Variants in R3HCC1L observed in about 807,000 individuals in gnomAD.
R3HCC1L encodes the protein R3H domain and coiled-coil containing 1 like.
Under a neutral mutation model 59.9 loss-of-function variants are expected in R3HCC1L, and 51 were observed. The observed-to-expected ratio is 0.85, with a 90% CI of 0.68 to 1.07. The LOEUF is 1.07. Among genes scored for constraint, R3HCC1L ranks in the 50% least tolerant of loss-of-function variants. The pLI, the probability that R3HCC1L is intolerant of heterozygous loss-of-function variation, is 0.00. For synonymous variants in R3HCC1L, 322 were observed against 315.2 expected, an observed-to-expected ratio of 1.02 and a Z score of -0.23; for missense variants, 965 against 933.0, an observed-to-expected ratio of 1.03 and a Z score of -0.45.
At chr10:98,218,550 C>T (rs1474805780) in intron 5 of R3HCC1L, among the ~76,000 whole-genome samples, 1 of 152,068 alleles carries the variant, frequency 6.6e-6, no homozygotes, top group Non-Finnish European at 1.5e-5. Context: ...CCAATGTTAT[C>T]TTTATGAAGT....
intron 9 of R3HCC1L, 114 bp from the exon 10 acceptor site, chr10:98,243,977 A>C (rs1263928898): frequency 1.2e-6 from 1 of 818,220 alleles, no homozygotes; most frequent in Non-Finnish European, 2.1e-6. Flanking sequence ...CAGGTAAGAG[A>C]GACCAGGATA....
intron 1 of R3HCC1L, among the ~76,000 whole-genome samples, chr10:98,151,024 C>G (rs555389961): frequency 6.6e-6 from 1 of 152,298 alleles, no homozygotes; most frequent in African/African-American, 2.4e-5. Context: ...GTGAAAGGGG[C>G]ATCATGGTTA....
intron 4 of R3HCC1L, among the ~76,000 whole-genome samples, chr10:98,166,833 T>C (rs2134266639): frequency 6.6e-6 from 1 of 152,188 alleles, no homozygotes. Flanking sequence ...GCCTGGCTAA[T>C]TTTTTGTATT....
At chr10:98,220,210 A>G (rs1854710828) in intron 5 of R3HCC1L, among the ~76,000 whole-genome samples, 1 of 151,764 alleles carries the variant, frequency 6.6e-6, no homozygotes, top group Admixed American at 6.6e-5. Flanking sequence ...GGATTGATTT[A>G]GTTCTTCTTT....
chr10:98,196,457 A>G (rs927078278), intron 4 of R3HCC1L, among the ~76,000 whole-genome samples: 61 of 152,054 alleles, frequency 4.0e-4, no homozygotes, highest in African/African-American at 1.4e-3. Flanking sequence ...TTATTTATTT[A>G]TTTGAGATAG....
chr10:98,235,886 C>A, intron 8 of R3HCC1L, 138 bp from the exon 9 acceptor site: 1 of 983,954 alleles, frequency 1.0e-6, no homozygotes. Flanking sequence ...TGATCATCAT[C>A]TATCAGACTT....
chr10:98,206,194 AGT>A (rs1433224219), intron 4 of R3HCC1L, among the ~76,000 whole-genome samples: 7 of 152,060 alleles, frequency 4.6e-5, no homozygotes, highest in African/African-American at 1.7e-4. Context: ...GTAATCTAAG[AGT>A]GTGTTACCTT....
At chr10:98,144,440 T>G (rs1326473450) in intron 1 of R3HCC1L, among the ~76,000 whole-genome samples, 4 of 152,062 alleles carry the variant, frequency 2.6e-5, no homozygotes, top group Non-Finnish European at 4.4e-5. Flanking sequence ...GGTCTCAAAC[T>G]CCTGACCTTG....
rs1011071110 is a variant in R3HCC1L at position 98,165,141 on chromosome 10, A to G, written c.-15+1744A>G. Among the ~76,000 whole-genome samples the G allele has an allele frequency of 5.3e-5, 8 of 152,168 alleles. 1 individual carries two copies. The highest frequency in any genetic ancestry group is 1.0e-4 in the Non-Finnish European group (7 of 68,030). On this transcript the variant is annotated intron_variant, in intron 4 of 9. Coordinates refer to ENST00000298999, the MANE Select transcript of R3HCC1L (RefSeq NM_001351015.2). ...CTGGGCATGGTGGTGTACGCCTGTA[A>G]TCCCAGCTATTCTGGAGGCTGAGAC...
chr10:98,173,169 G>A (rs187818052), intron 4 of R3HCC1L, among the ~76,000 whole-genome samples: 1 of 152,120 alleles, frequency 6.6e-6, no homozygotes, highest in Non-Finnish European at 1.5e-5. Flanking sequence ...TAAAAAATTC[G>A]AAGCAAGAAA....
intron 5 of R3HCC1L, among the ~76,000 whole-genome samples, chr10:98,225,680 G>A (rs1025617653): frequency 3.2e-4 from 49 of 152,040 alleles, no homozygotes; most frequent in African/African-American, 1.1e-3. Context: ...TATGTTTTTT[G>A]CTATTATTAA....
intron 2 of R3HCC1L, among the ~76,000 whole-genome samples, chr10:98,158,033 T>C (rs1180868672): frequency 2.0e-5 from 3 of 152,204 alleles, no homozygotes; most frequent in Admixed American, 2.0e-4. Context: ...AAAATCATCA[T>C]TGGAAAACCC....
rs529856496 is a variant in R3HCC1L at position 98,182,016 on chromosome 10, A to G, written c.-15+18619A>G. On this transcript the variant is annotated intron_variant, in intron 4 of 9. Transcript: ENST00000298999. ...GACCTTCTGAAGCCTACTTCTGTCAACTCGTCAAAGTCATTCTCCGTCCAG... is the reference window on the plus strand; with the variant it reads ...GACCTTCTGAAGCCTACTTCTGTCAGCTCGTCAAAGTCATTCTCCGTCCAG... 7.9e-5 allele frequency among the ~76,000 whole-genome samples: 12 copies of G among 152,154 alleles called. No individual in the cohort carries two copies. The East Asian group carries it at 1.7e-3, about 22-fold the overall frequency.
intron 4 of R3HCC1L, among the ~76,000 whole-genome samples, chr10:98,182,286 TCTGTTGGAATTTG>T (rs1485309584): frequency 6.6e-6 from 1 of 152,290 alleles, no homozygotes; most frequent in East Asian, 1.9e-4. Context: ...CAGCTGCAGG[TCTGTTGGAATTTG>T]CTGGAGGTTC....
chr10:98,241,750 A>C (rs571430683), intron 9 of R3HCC1L, among the ~76,000 whole-genome samples: 5 of 152,252 alleles, frequency 3.3e-5, no homozygotes, highest in Non-Finnish European at 5.9e-5. Flanking sequence ...TCAGGATAGT[A>C]GAAAGTGTGC....
At position 98,209,549 on chromosome 10, in the gene R3HCC1L, G is replaced by T; in HGVS notation, c.1435G>T (p.Ala479Ser). Residue 479 changes from alanine (A) to serine (S), a missense_variant, in exon 5 of 10, where the codon GCT becomes TCT. Physicochemically the swap from Ala to Ser is moderately conservative, Grantham distance 99. Transcript: ENST00000298999. ...CASSLPIKKI[A>S]GSNYNTFLDS... ...TTCCTCCTTACCTATAAAAAAGATT[G>T]CTGGTAGTAATTATAACACTTTTTT... The T allele has an allele frequency of 1.9e-6, 3 of 1,613,842 alleles. No homozygotes were observed. Among genetic ancestry groups the T allele is most frequent in the Non-Finnish European group, 8.5e-7 (1 of 1,179,928 alleles).
chr10:98,137,101 C>T (rs1483564937), intron 1 of R3HCC1L, among the ~76,000 whole-genome samples: 2 of 151,966 alleles, frequency 1.3e-5, no homozygotes, highest in African/African-American at 4.8e-5. Flanking sequence ...GTCCCATGTC[C>T]TCAGGAGCCT....
chr10:98,157,833 C>T (rs969134578), intron 2 of R3HCC1L, among the ~76,000 whole-genome samples: 3 of 152,104 alleles, frequency 2.0e-5, no homozygotes, highest in Non-Finnish European at 4.4e-5. Flanking sequence ...ATAAGACTAA[C>T]TGGATATTCT....
chr10:98,153,026 C>T (rs529722617), intron 1 of R3HCC1L, among the ~76,000 whole-genome samples: 107 of 135,084 alleles, frequency 7.9e-4, no homozygotes, highest in Non-Finnish European at 8.0e-5. Context: ...CCGCCCCGTC[C>T]GGGAGGTGGG....
Sources: allele counts gnomAD v4.1 joint callset (sites outside exome capture counted in the v4.1 genomes callset), GRCh38; gene constraint gnomAD v4.1.1; transcripts MANE v1.5; gene names NCBI Gene and HGNC (gene_info 2026-07-23, HGNC 2026-07-21).